The following CAMK2D variants were observed in gnomAD, a reference collection of about 807,000 sequenced individuals.
The protein encoded by CAMK2D is calcium/calmodulin-dependent protein kinase type II subunit delta.
In CAMK2D, 37 loss-of-function variants were observed where a neutral mutation model predicts 84.0. The ratio of observed to expected loss-of-function variants is 0.44; its 90% CI spans 0.34 to 0.58. The LOEUF is 0.58. Ranked by LOEUF, CAMK2D falls within the 20% of genes least tolerant of loss-of-function variation. The pLI is 0.02. For synonymous variants in CAMK2D, 202 were observed against 212.5 expected (o/e 0.95, Z 0.43); for missense variants, 448 against 652.5 (o/e 0.69, Z 3.41).
intron 4 of CAMK2D, among the ~76,000 whole-genome samples, chr4:113,571,275 T>A (rs994846337): frequency 1.3e-5 from 2 of 152,168 alleles, no homozygotes; most frequent in African/African-American, 4.8e-5. Flanking sequence ...TATAATCCAG[T>A]AATTCCACTA....
rs1310892111 is a variant in CAMK2D, at chr4:113,454,408, A to G, written c.*137T>C. 5 of 741,436 alleles carry G rather than the reference A, an allele frequency of 6.7e-6. No individual in the cohort carries two copies. The highest frequency in any genetic ancestry group is 1.3e-5 in the Non-Finnish European group (5 of 397,892). The allele number at this position is 741,436 out of a possible 1,614,324, so 45.9% of individuals were successfully genotyped here. A position where few individuals can be genotyped will look rare whatever the true frequency, so the allele number is the denominator to read the frequency against. ...ATGCATTACATGTAGGACCTTCACA[A>G]CTTCATGCACTCAGAAACATGCATG... is the stretch of plus-strand genomic sequence containing the variant. On this transcript the variant is annotated 3_prime_UTR_variant, in exon 21 of 21. Coordinates refer to ENST00000511664, the MANE Select transcript of CAMK2D (RefSeq NM_001321571.2).
In CAMK2D at chr4:113,457,358, C is replaced by T. The variant is rs927064618; in HGVS notation, c.1512G>A (p.Ser504=). 2.9e-5 allele frequency: 46 copies of T among 1,613,498 alleles called. No individual in the cohort carries two copies. Among genetic ancestry groups the T allele is most frequent in the Non-Finnish European group, 3.6e-5 (42 of 1,179,704 alleles). The change falls in exon 19 of 21, where the codon TCG becomes TCA. Residue 504 remains serine, a synonymous_variant. Transcript: ENST00000511664. The part of the protein sequence containing the change: ...GKWQNVHFHR[S]GSPTVPIKPP... Reference sequence around the variant, plus strand: ...ACTTGATGGGTACTGTTGGTGACCCCGAGCGATGAAAATGAACATTCTGCC... The same window carrying T: ...ACTTGATGGGTACTGTTGGTGACCCTGAGCGATGAAAATGAACATTCTGCC...
At chr4:113,488,856 T>C (rs2097791613) in intron 16 of CAMK2D, among the ~76,000 whole-genome samples, 1 of 152,192 alleles carries the variant, frequency 6.6e-6, no homozygotes, top group East Asian at 1.9e-4. Flanking sequence ...ATTTTGGACC[T>C]TGTTTTAAAA....
chr4:113,484,266 T>C (rs2097739432), intron 16 of CAMK2D, among the ~76,000 whole-genome samples: 1 of 152,186 alleles, frequency 6.6e-6, no homozygotes, highest in Admixed American at 6.5e-5. Flanking sequence ...GAGCAATTTA[T>C]AGTCCTTTTT....
chr4:113,503,719 A>C (rs2098087858), intron 14 of CAMK2D, among the ~76,000 whole-genome samples: 2 of 152,284 alleles, frequency 1.3e-5, no homozygotes, highest in South Asian at 4.1e-4. Context: ...CTATAAAGTC[A>C]TGCTTTTTTA....
rs1002955040 is a variant in CAMK2D at position 113,622,535 on chromosome 4, C to A, written c.221-13329G>T. Among the ~76,000 whole-genome samples, 5 of 150,900 alleles carry A rather than the reference C, an allele frequency of 3.3e-5. No individual in the cohort carries two copies. The East Asian group carries it at 9.8e-4, about 30-fold the overall frequency. On this transcript the variant is annotated intron_variant, in intron 3 of 20. Transcript: ENST00000511664. ...ATCCCAATGCTTTGGGAGGCTAAGGCAGAAGTATCGCTTGAGCCCAGGAGT... is the reference window on the plus strand; with the variant it reads ...ATCCCAATGCTTTGGGAGGCTAAGGAAGAAGTATCGCTTGAGCCCAGGAGT...
intron 13 of CAMK2D, among the ~76,000 whole-genome samples, chr4:113,506,781 T>A (rs2098132783): frequency 6.6e-6 from 1 of 152,216 alleles, no homozygotes; most frequent in Non-Finnish European, 1.5e-5. Context: ...TTTTGGGATA[T>A]GATACTTGAC....
chr4:113,688,768 G>A (rs1359416936), intron 2 of CAMK2D, among the ~76,000 whole-genome samples: 4 of 151,966 alleles, frequency 2.6e-5, no homozygotes. Flanking sequence ...TCCACTAAAC[G>A]AGGCCACCTC....
chr4:113,726,099 T>C (rs2099544975), intron 2 of CAMK2D, among the ~76,000 whole-genome samples: 1 of 152,208 alleles, frequency 6.6e-6, no homozygotes, highest in Non-Finnish European at 1.5e-5. Context: ...TCCTTCTTTA[T>C]GCCAAACAAT....
intron 8 of CAMK2D, among the ~76,000 whole-genome samples, chr4:113,519,005 CCTT>C (rs1044648807): frequency 6.6e-6 from 1 of 151,798 alleles, no homozygotes; most frequent in African/African-American, 2.4e-5. Context: ...TGGTACCTCA[CCTT>C]CATGACATAA....
chr4:113,629,674 C>G (rs567669509), intron 3 of CAMK2D, among the ~76,000 whole-genome samples: 1 of 151,414 alleles, frequency 6.6e-6, no homozygotes, highest in East Asian at 1.9e-4. Context: ...TTTGGGGCCT[C>G]ATGGCTAGTA....
chr4:113,531,821 GT>G (rs1360007074), intron 7 of CAMK2D, among the ~76,000 whole-genome samples: 1 of 152,272 alleles, frequency 6.6e-6, no homozygotes, highest in East Asian at 1.9e-4. Flanking sequence ...AAGAAGGGAT[GT>G]GGTAAGAAAA....
intron 2 of CAMK2D, among the ~76,000 whole-genome samples, chr4:113,749,202 A>G (rs1291063156): frequency 6.6e-6 from 1 of 151,802 alleles, no homozygotes; most frequent in Non-Finnish European, 1.5e-5. Flanking sequence ...GGTATTAGAA[A>G]TATGTCTCTA....
At chr4:113,606,597 G>A (rs1329754689) in intron 4 of CAMK2D, among the ~76,000 whole-genome samples, 5 of 151,736 alleles carry the variant, frequency 3.3e-5, no homozygotes, top group Non-Finnish European at 5.9e-5. Flanking sequence ...AACAGACTAC[G>A]GGAAAACTAC....
intron 2 of CAMK2D, among the ~76,000 whole-genome samples, chr4:113,701,777 T>C (rs1018895312): frequency 6.6e-6 from 1 of 152,096 alleles, no homozygotes; most frequent in African/African-American, 2.4e-5. Context: ...TGGCCTGATA[T>C]GGCTCACTGT....
chr4:113,550,687 G>T (rs926014327), intron 5 of CAMK2D, among the ~76,000 whole-genome samples: 3 of 152,188 alleles, frequency 2.0e-5, no homozygotes, highest in Non-Finnish European at 2.9e-5. Flanking sequence ...TTGATTAAAA[G>T]TATTACTGTT....
chr4:113,597,459 C>A (rs1018509464), intron 4 of CAMK2D, among the ~76,000 whole-genome samples: 3 of 152,196 alleles, frequency 2.0e-5, no homozygotes, highest in Non-Finnish European at 2.9e-5. Flanking sequence ...CCTCTGCTAG[C>A]TTTCCTCTAT....
chr4:113,680,759 A>G (rs1468582475), intron 2 of CAMK2D, among the ~76,000 whole-genome samples: 1 of 152,196 alleles, frequency 6.6e-6, no homozygotes, highest in Non-Finnish European at 1.5e-5. Flanking sequence ...CCTTGGCCTG[A>G]ATGTGGGTGA....
chr4:113,691,332 G>C (rs929704627), intron 2 of CAMK2D, among the ~76,000 whole-genome samples: 2 of 152,200 alleles, frequency 1.3e-5, no homozygotes, highest in African/African-American at 2.4e-5. Context: ...AGCTATCTGT[G>C]CCTCCTGAAT....
Sources: gnomAD v4.1 joint callset for allele counts (sites outside exome capture counted in the v4.1 genomes callset) on GRCh38, gnomAD v4.1.1 for gene constraint, MANE v1.5 for transcripts, NCBI Gene and HGNC (gene_info 2026-07-23, HGNC 2026-07-21) for gene names.